The following OTUD7A variants were observed in gnomAD, a reference collection of about 807,000 sequenced individuals.
OTUD7A encodes OTU deubiquitinase 7A.
Under a neutral mutation model 65.7 loss-of-function variants are expected in OTUD7A, and 12 were observed. The observed-to-expected ratio is 0.18, with a 90% CI of 0.12 to 0.30. OTUD7A has a LOEUF of 0.30. Ranked by LOEUF, OTUD7A falls within the 10% of genes least tolerant of loss-of-function variation. OTUD7A has a pLI of 1.00. For synonymous variants in OTUD7A, 641 were observed against 586.3 expected (o/e 1.09, Z -1.35); for missense variants, 1,148 against 1,304.8 (o/e 0.88, Z 1.85).
In OTUD7A at chr15:31,501,675, G is replaced by A; in HGVS notation, c.1171+15C>T. 2 of 1,614,086 alleles carry A rather than the reference G, an allele frequency of 1.2e-6. No individual in the cohort carries two copies. The highest frequency in any genetic ancestry group is 1.7e-6 in the Non-Finnish European group (2 of 1,179,956). ...CCTAGGCTCCTGCGTGCACTCTCTT[G>A]GGAGACAGGCATACCTTGTTCTCTT... On this transcript the variant is annotated intron_variant, in intron 10 of 12. Coordinates refer to ENST00000307050, the MANE Select transcript of OTUD7A (RefSeq NM_001382637.1).
At chr15:31,796,232 C>G (rs1895957665) in intron 1 of OTUD7A, among the ~76,000 whole-genome samples, 1 of 141,248 alleles carries the variant, frequency 7.1e-6, no homozygotes, top group Non-Finnish European at 1.6e-5. Context: ...ATCTATCTAT[C>G]TATCATCTAT....
chr15:31,538,186 G>T (rs1209456953), intron 5 of OTUD7A, among the ~76,000 whole-genome samples: 1 of 152,214 alleles, frequency 6.6e-6, no homozygotes, highest in Non-Finnish European at 1.5e-5. Context: ...GAATGATGCA[G>T]TGTGAGGATG....
intron 1 of OTUD7A, among the ~76,000 whole-genome samples, chr15:31,851,348 T>C (rs943441606): frequency 6.6e-6 from 1 of 152,118 alleles, no homozygotes; most frequent in Non-Finnish European, 1.5e-5. Flanking sequence ...AAATGACTAA[T>C]TGGAGATGGA....
chr15:31,782,997 G>A (rs994445118), intron 1 of OTUD7A, among the ~76,000 whole-genome samples: 1 of 152,120 alleles, frequency 6.6e-6, no homozygotes, highest in African/African-American at 2.4e-5. Context: ...CCCAACAAGA[G>A]CTGAGTTAAA....
At chr15:31,551,808 G>A (rs532977807) in intron 5 of OTUD7A, among the ~76,000 whole-genome samples, 1 of 151,702 alleles carries the variant, frequency 6.6e-6, no homozygotes, top group South Asian at 2.1e-4. Context: ...TGCTTTGCAC[G>A]TGCTTCTGTG....
At chr15:31,532,807 G>A (rs1241642444) in intron 5 of OTUD7A, among the ~76,000 whole-genome samples, 2 of 151,690 alleles carry the variant, frequency 1.3e-5, no homozygotes, top group East Asian at 1.9e-4. Flanking sequence ...GGTGGCGGGC[G>A]CCTGTAGTCC....
chr15:31,854,164 T>G (rs1238929938), intron 1 of OTUD7A, among the ~76,000 whole-genome samples: 2 of 152,182 alleles, frequency 1.3e-5, no homozygotes, highest in East Asian at 3.9e-4. Flanking sequence ...GAGGATCTGC[T>G]CCTTGTCTTT....
rs549898255 is a variant in OTUD7A at position 31,567,818 on chromosome 15, A to AG, written c.331+2199dup. Among the ~76,000 whole-genome samples the AG allele has an allele frequency of 1.1e-3, 164 of 152,358 alleles. 4 individuals carry two copies. The highest frequency in any genetic ancestry group is 3.8e-3 in the African/African-American group (158 of 41,598). ...CTCCAGCCTTGGCTCAAAAGGTCCC[A>AG]GATACAGTTCAGGCTGCTGCTTCAG... On this transcript the variant is annotated intron_variant, in intron 4 of 12. Coordinates refer to ENST00000307050, the MANE Select transcript of OTUD7A (RefSeq NM_001382637.1).
intron 1 of OTUD7A, among the ~76,000 whole-genome samples, chr15:31,808,136 C>CA (rs1555420129): frequency 1.7e-5 from 2 of 119,418 alleles, no homozygotes; most frequent in African/African-American, 5.6e-5. Flanking sequence ...CACACACACA[C>CA]AAACAAATCC....
At chr15:31,868,566 C>G (rs1169896161) in intron 1 of OTUD7A, among the ~76,000 whole-genome samples, 1 of 152,222 alleles carries the variant, frequency 6.6e-6, no homozygotes, top group Non-Finnish European at 1.5e-5. Context: ...CATCCAAAAG[C>G]AGCTCACTTG....
chr15:31,666,975 C>T (rs1262988949), intron 1 of OTUD7A, among the ~76,000 whole-genome samples: 1 of 152,162 alleles, frequency 6.6e-6, no homozygotes, highest in Non-Finnish European at 1.5e-5. Context: ...CAGTTTGCCT[C>T]CACTGTGGTC....
intron 8 of OTUD7A, among the ~76,000 whole-genome samples, chr15:31,510,514 ATG>A (rs1238190823): frequency 1.4e-5 from 2 of 144,734 alleles, no homozygotes; most frequent in South Asian, 2.3e-4. Flanking sequence ...ATACATATAT[ATG>A]TATATCTATA....
At chr15:31,773,587 T>C (rs1043474869) in intron 1 of OTUD7A, among the ~76,000 whole-genome samples, 3 of 152,182 alleles carry the variant, frequency 2.0e-5, no homozygotes, top group African/African-American at 7.2e-5. Context: ...TTTCAACATA[T>C]GAATTTGGGG....
intron 5 of OTUD7A, among the ~76,000 whole-genome samples, chr15:31,536,940 C>G (rs1050543152): frequency 5.9e-5 from 9 of 152,084 alleles, no homozygotes; most frequent in Admixed American, 2.0e-4. Context: ...GGTGATTCTA[C>G]TTAACAAAAA....
Position 31,487,064 on chromosome 15 carries a change from G to A in OTUD7A, c.1371+130C>T. 5.9e-6 allele frequency: 5 copies of A among 842,616 alleles called. No individual in the cohort carries two copies. The South Asian group carries it at 8.1e-5, about 14-fold the overall frequency. 52.2% of individuals were successfully genotyped at this position (842,616 alleles called of 1,614,324 possible). ...GGAGGAGCTACTGGGCTGTGGGTAT[G>A]GCTGGGGTGGGCGGCCGGGCAGGGG... On this transcript the variant is annotated intron_variant, in intron 12 of 12. Coordinates refer to ENST00000307050, the MANE Select transcript of OTUD7A (RefSeq NM_001382637.1). The surrounding 1 kb of genome is among the most constrained non-coding windows in gnomAD (Gnocchi z 6.0).
At chr15:31,578,302 T>A (rs1889267314) in intron 3 of OTUD7A, among the ~76,000 whole-genome samples, 2 of 152,306 alleles carry the variant, frequency 1.3e-5, no homozygotes, top group African/African-American at 4.8e-5. Context: ...ACATTTAACA[T>A]CCAGCATTTA....
In OTUD7A at chr15:31,483,754, A is replaced by G. The variant is rs1199069013; in HGVS notation, c.2342T>C (p.Val781Ala). The change falls in exon 13 of 13, where the codon GTG becomes GCG. Residue 781 changes from valine to alanine, a missense_variant. Val to Ala is a moderately conservative substitution (Grantham distance 64). Coordinates refer to ENST00000307050, the MANE Select transcript of OTUD7A (RefSeq NM_001382637.1). ...CTCGTCCCGCGCGCCCGACGCCTGC[A>G]CGTGGATGACGCTCTGGCGCGCTGG... ...PAPARQSVIH[V>A]QASGARDEAC... 2.0e-4 allele frequency: 220 copies of G among 1,087,540 alleles called. No homozygotes were observed. The highest frequency in any genetic ancestry group is 2.3e-4 in the Non-Finnish European group (206 of 898,860). 67.4% of individuals were successfully genotyped at this position (1,087,540 alleles called of 1,614,324 possible).
At chr15:31,743,345 C>G (rs529991513) in intron 1 of OTUD7A, among the ~76,000 whole-genome samples, 1 of 151,762 alleles carries the variant, frequency 6.6e-6, no homozygotes, top group South Asian at 2.1e-4. Context: ...AAATAACATG[C>G]ATGTAAATAA....
At chr15:31,514,893 T>C (rs1467441667) in intron 8 of OTUD7A, among the ~76,000 whole-genome samples, 1 of 152,264 alleles carries the variant, frequency 6.6e-6, no homozygotes, top group Admixed American at 6.5e-5. Context: ...ATATATTTTA[T>C]GCCAGGTCTA....
Sources: gnomAD v4.1 joint callset for allele counts (sites outside exome capture counted in the v4.1 genomes callset) on GRCh38, gnomAD v4.1.1 for gene constraint, Gnocchi (gnomAD v3.1) non-coding constraint, MANE v1.5 for transcripts, NCBI Gene and HGNC (gene_info 2026-07-23, HGNC 2026-07-21) for gene names.